JAML: variants seen among roughly 807,000 people sequenced by gnomAD.
The protein encoded by JAML is junctional adhesion molecule-like.
In JAML, 25 loss-of-function variants were observed where a neutral mutation model predicts 39.3. The observed-to-expected ratio is 0.64, with a 90% CI of 0.46 to 0.89. The LOEUF (loss-of-function observed/expected upper bound fraction) is 0.89. JAML is among the 40% of genes least tolerant of loss of function. The probability of loss-of-function intolerance (pLI) is 0.00; values close to 1 mark genes in which losing one functional copy is unlikely to be tolerated. For missense variants in JAML, 440 were observed against 486.9 expected, an observed-to-expected ratio of 0.90 and a Z score of 0.91; for synonymous variants, 162 against 179.2, an observed-to-expected ratio of 0.90 and a Z score of 0.77.
At chr11:118,218,409 G>A (rs141327135) in intron 1 of JAML, among the ~76,000 whole-genome samples, 90 of 152,240 alleles carry the variant, frequency 5.9e-4, no homozygotes, top group African/African-American at 2.1e-3. Flanking sequence ...TGTCTTAATA[G>A]TACCTCTACC....
intron 6 of JAML, chr11:118,202,511 C>T (rs1948824655): frequency 5.7e-6 from 1 of 175,216 alleles, no homozygotes; most frequent in African/African-American, 2.4e-5. Flanking sequence ...GCAGAAGGGA[C>T]CTTCCTCTGC....
chr11:118,206,079 G>T, intron 4 of JAML, 88 bp from the exon 5 acceptor site: 11 of 1,186,780 alleles, frequency 9.3e-6, no homozygotes, highest in Non-Finnish European at 1.3e-5. Context: ...TTTAGCCAAA[G>T]ACCCTCAGCA....
intron 4 of JAML, among the ~76,000 whole-genome samples, chr11:118,207,909 C>A (rs1184163615): frequency 6.6e-6 from 1 of 152,092 alleles, no homozygotes; most frequent in African/African-American, 2.4e-5. Context: ...CTTGCATGGA[C>A]AAGTGTTCAG....
intron 1 of JAML, among the ~76,000 whole-genome samples, chr11:118,215,281 G>A (rs1949124843): frequency 6.6e-6 from 1 of 152,104 alleles, no homozygotes; most frequent in Non-Finnish European, 1.5e-5. Flanking sequence ...TCCACTACCT[G>A]TATGTTTCAC....
chr11:118,199,687 A>ATT, intron 7 of JAML, among the ~76,000 whole-genome samples: 2 of 76,830 alleles, frequency 2.6e-5, no homozygotes, highest in African/African-American at 4.8e-5. Flanking sequence ...CATTATTATT[A>ATT]TTATTATTTT....
intron 7 of JAML, among the ~76,000 whole-genome samples, chr11:118,198,417 G>A (rs1202794544): frequency 1.3e-5 from 2 of 152,150 alleles, no homozygotes; most frequent in Admixed American, 6.5e-5. Flanking sequence ...GATTCCATTT[G>A]ACCATCCTGT....
intron 4 of JAML, among the ~76,000 whole-genome samples, chr11:118,209,426 T>A (rs964934012): frequency 3.3e-5 from 5 of 152,200 alleles, no homozygotes; most frequent in Non-Finnish European, 7.3e-5. Context: ...GAGCTTAAGG[T>A]TCTACAGAGC....
In JAML at chr11:118,198,114, G is replaced by T. The variant is rs375790209; in HGVS notation, c.912-23C>A. The T allele has an allele frequency of 6.2e-6, 10 of 1,600,614 alleles. No homozygotes were observed. The African/African-American group carries it at 1.2e-4, about 19-fold the overall frequency. On this transcript the variant is annotated intron_variant, in intron 7 of 9. Transcript: ENST00000356289. ...GAACTGCAAGACATGAAAAGCATGT[G>T]GAATTAACCAGCGGGCATGGTTTAT... is the stretch of plus-strand genomic sequence containing the variant.
intron 6 of JAML, chr11:118,202,680 C>T (rs927795418): frequency 3.4e-6 from 1 of 294,048 alleles, no homozygotes; most frequent in Non-Finnish European, 6.8e-6. Context: ...CAGCTGGAGA[C>T]AAGGTGCCTC....
intron 2 of JAML, among the ~76,000 whole-genome samples, chr11:118,213,704 G>T (rs191311141): frequency 2.6e-4 from 40 of 152,290 alleles, no homozygotes; most frequent in African/African-American, 9.1e-4. Flanking sequence ...GGGCAATCTT[G>T]GTAGAGAAAC....
chr11:118,219,742 G>C (rs1447770200), intron 1 of JAML, among the ~76,000 whole-genome samples: 1 of 152,218 alleles, frequency 6.6e-6, no homozygotes, highest in African/African-American at 2.4e-5. Context: ...TCCAAAAGGG[G>C]ATTGCTTGGG....
At chr11:118,223,281 C>T (rs1278138786) in intron 1 of JAML, among the ~76,000 whole-genome samples, 2 of 151,950 alleles carry the variant, frequency 1.3e-5, no homozygotes, top group Non-Finnish European at 2.9e-5. Context: ...GATGTAGGGC[C>T]AGAATCCGGG....
chr11:118,210,840 C>T, intron 3 of JAML, 128 bp from the exon 4 acceptor site: 3 of 733,736 alleles, frequency 4.1e-6, no homozygotes, highest in Non-Finnish European at 6.8e-6. Flanking sequence ...GCATTTGGTA[C>T]CCAGTTAATA....
intron 9 of JAML, among the ~76,000 whole-genome samples, chr11:118,195,512 A>T (rs959032447): frequency 6.6e-6 from 1 of 152,100 alleles, no homozygotes; most frequent in African/African-American, 2.4e-5. Flanking sequence ...CACCGTGCTC[A>T]TCGCCAGCTC....
chr11:118,204,606 G>A (rs1233457988), intron 5 of JAML: 1 of 152,144 alleles, frequency 6.6e-6, no homozygotes, highest in Non-Finnish European at 1.5e-5. Flanking sequence ...CTACACATAT[G>A]CAGGGTTCAC....
chr11:118,203,098 A>G (rs1948842907), intron 6 of JAML: 1 of 501,442 alleles, frequency 2.0e-6, no homozygotes, highest in African/African-American at 1.9e-5. Flanking sequence ...TTGGACATCA[A>G]CTCCGATCCT....
chr11:118,212,725 A>G, intron 2 of JAML, 164 bp from the exon 3 acceptor site: 1 of 1,514,638 alleles, frequency 6.6e-7, no homozygotes, highest in Non-Finnish European at 8.8e-7. Flanking sequence ...CCTGTCCTCT[A>G]GTTACCTATA....
intron 3 of JAML, among the ~76,000 whole-genome samples, chr11:118,211,302 G>A (rs1465159201): frequency 2.6e-5 from 4 of 152,178 alleles, no homozygotes; most frequent in African/African-American, 9.7e-5. Flanking sequence ...GAGTGCAGTG[G>A]CACAATCACA....
At chr11:118,221,490 C>T (rs1949208981) in intron 1 of JAML, among the ~76,000 whole-genome samples, 1 of 152,234 alleles carries the variant, frequency 6.6e-6, no homozygotes, top group South Asian at 2.1e-4. Flanking sequence ...AAACCTAGAT[C>T]CCTTGCATGT....
Sources: gnomAD v4.1 joint callset for allele counts (sites outside exome capture counted in the v4.1 genomes callset) on GRCh38, gnomAD v4.1.1 for gene constraint, MANE v1.5 for transcripts, NCBI Gene and HGNC (gene_info 2026-07-23, HGNC 2026-07-21) for gene names.